The following BRINP1 variants were observed in gnomAD, a reference collection of about 807,000 sequenced individuals.
BRINP1 encodes BMP/retinoic acid inducible neural specific 1.
A neutral mutation model predicts 72.9 loss-of-function variants in BRINP1; 17 were observed. That is an observed-to-expected ratio of 0.23 (90% CI 0.16 to 0.35). The LOEUF is 0.35. Ranked by LOEUF, BRINP1 falls within the 10% of genes least tolerant of loss-of-function variation. The probability of loss-of-function intolerance (pLI) is 1.00; values close to 1 mark genes in which losing one functional copy is unlikely to be tolerated. For missense variants in BRINP1, 850 were observed against 1,001.6 expected, an observed-to-expected ratio of 0.85 and a Z score of 2.04; for synonymous variants, 418 against 378.5, an observed-to-expected ratio of 1.10 and a Z score of -1.21.
chr9:119,331,599 A>G (rs1831300998), intron 1 of BRINP1, among the ~76,000 whole-genome samples: 1 of 152,146 alleles, frequency 6.6e-6, no homozygotes, highest in Non-Finnish European at 1.5e-5. Context: ...CTTTGTAAAT[A>G]TGTAGATGAT....
At position 119,167,017 on chromosome 9, in the gene BRINP1, T is replaced by C. The variant is rs964681148; in HGVS notation, c.*67A>G. 1.4e-6 allele frequency: 2 copies of C among 1,467,286 alleles called. No homozygotes were observed. The highest frequency in any genetic ancestry group is 1.4e-5 in the African/African-American group (1 of 70,578). 90.9% of individuals were successfully genotyped at this position (1,467,286 alleles called of 1,614,324 possible). On this transcript the variant is annotated 3_prime_UTR_variant, in exon 8 of 8. Transcript: ENST00000265922. The surrounding 1 kb of genome is among the most constrained non-coding windows in gnomAD (Gnocchi z 4.3). ...AATTTTTGTGGGTTTTTTTGTTTTG[T>C]TTTGCTTCATTTTGTTCTGTTGTGT...
intron 7 of BRINP1, among the ~76,000 whole-genome samples, chr9:119,178,274 C>G (rs1829511497): frequency 6.6e-6 from 1 of 152,134 alleles, no homozygotes; most frequent in South Asian, 2.1e-4. Flanking sequence ...CCATTCTCCT[C>G]CCTTTCTAGA....
chr9:119,360,643 T>C (rs927006177), intron 1 of BRINP1, among the ~76,000 whole-genome samples: 5 of 152,222 alleles, frequency 3.3e-5, no homozygotes, highest in Non-Finnish European at 7.3e-5. Flanking sequence ...ATATCCTGGA[T>C]GTCTGCCTTT....
At chr9:119,329,267 T>G (rs976508322) in intron 1 of BRINP1, among the ~76,000 whole-genome samples, 5 of 152,206 alleles carry the variant, frequency 3.3e-5, no homozygotes, top group Admixed American at 2.0e-4. Context: ...ACCCTTGGCC[T>G]GATGTTTCCA....
intron 7 of BRINP1, among the ~76,000 whole-genome samples, chr9:119,187,076 G>A (rs772450981): frequency 7.2e-5 from 11 of 151,758 alleles, no homozygotes; most frequent in East Asian, 2.0e-4. Context: ...CGGTTACATC[G>A]CTGCCATCTG....
At chr9:119,183,005 AAAG>A (rs1829574759) in intron 7 of BRINP1, among the ~76,000 whole-genome samples, 1 of 152,212 alleles carries the variant, frequency 6.6e-6, no homozygotes, top group Admixed American at 6.5e-5. Flanking sequence ...ACAAAATTAA[AAAG>A]AAGGTAAGCA....
chr9:119,367,221 G>GAT (rs6151155), intron 1 of BRINP1, among the ~76,000 whole-genome samples: 17,350 of 99,792 alleles, frequency 0.17, 2,517 homozygotes, highest in East Asian at 0.39. Context: ...GTGTGTGATT[G>GAT]ATATATATAT....
chr9:119,200,194 T>C (rs1204775330), intron 7 of BRINP1, among the ~76,000 whole-genome samples: 2 of 152,234 alleles, frequency 1.3e-5, no homozygotes, highest in African/African-American at 4.8e-5. Flanking sequence ...TTGAACAAGT[T>C]TTTTGAATGG....
intron 4 of BRINP1, among the ~76,000 whole-genome samples, chr9:119,239,827 G>C (rs1264297799): frequency 6.6e-6 from 1 of 151,968 alleles, no homozygotes; most frequent in African/African-American, 2.4e-5. Context: ...TTTTCGTTTT[G>C]TTTTACAAAT....
At chr9:119,177,697 C>T (rs931630044) in intron 7 of BRINP1, among the ~76,000 whole-genome samples, 4 of 152,116 alleles carry the variant, frequency 2.6e-5, no homozygotes, top group African/African-American at 9.7e-5. Flanking sequence ...TCTCAGAATC[C>T]TCGGTGAGGG....
intron 1 of BRINP1, among the ~76,000 whole-genome samples, chr9:119,325,988 C>A (rs1165579407): frequency 3.3e-5 from 5 of 152,144 alleles, no homozygotes; most frequent in African/African-American, 1.2e-4. Context: ...TTATAATAGG[C>A]AATTCATGGC....
At position 119,286,414 on chromosome 9, in the gene BRINP1, T is replaced by G. The variant is rs189150065; in HGVS notation, c.218+26724A>C. On this transcript the variant is annotated intron_variant, in intron 2 of 7. Transcript: ENST00000265922. ...CGCCCAGCTAATTCTTTTTGTATTTTTAGTAGAGATGGGGTTTCACCATGT... is the reference window on the plus strand; with the variant it reads ...CGCCCAGCTAATTCTTTTTGTATTTGTAGTAGAGATGGGGTTTCACCATGT... 3.0e-3 allele frequency among the ~76,000 whole-genome samples: 463 copies of G among 152,192 alleles called. 7 individuals are homozygous for G. Among genetic ancestry groups the G allele is most frequent in the Non-Finnish European group, 8.2e-4 (56 of 67,992 alleles).
chr9:119,275,073 C>T lies in BRINP1; in HGVS notation c.219-25923G>A, dbSNP rs79878198. 3.6e-3 allele frequency among the ~76,000 whole-genome samples: 554 copies of T among 152,262 alleles called. 15 individuals are homozygous for T. The South Asian group carries it at 0.052, about 14-fold the overall frequency. ...AGGTCAATCATAAGTAAAACCAGAG[C>T]TTGGATTTGAACCCAATTCTGTGTG... is the stretch of plus-strand genomic sequence containing the variant. On this transcript the variant is annotated intron_variant, in intron 2 of 7. Transcript: ENST00000265922.
chr9:119,276,792 C>G (rs1324072732), intron 2 of BRINP1, among the ~76,000 whole-genome samples: 1 of 152,106 alleles, frequency 6.6e-6, no homozygotes, highest in Non-Finnish European at 1.5e-5. Flanking sequence ...AATTCTTTGT[C>G]TTAATTTCGT....
Position 119,206,492 on chromosome 9 carries a change from G to A in BRINP1, c.1145+2227C>T, listed in dbSNP as rs551569409. Among the ~76,000 whole-genome samples, 229 of 150,624 alleles carry A rather than the reference G, an allele frequency of 1.5e-3. 4 individuals carry two copies. The highest frequency in any genetic ancestry group is 4.9e-3 in the East Asian group (25 of 5,096). On this transcript the variant is annotated intron_variant, in intron 7 of 7. Transcript: ENST00000265922. Reference sequence around the variant, plus strand: ...CAGATGCACACAGAGGAAAGACTACGTGGAAACACAGGTAGAAAAAAACAA... The same window carrying A: ...CAGATGCACACAGAGGAAAGACTACATGGAAACACAGGTAGAAAAAAACAA...
intron 1 of BRINP1, among the ~76,000 whole-genome samples, chr9:119,356,226 T>A (rs1831563896): frequency 6.6e-6 from 1 of 152,174 alleles, no homozygotes; most frequent in South Asian, 2.1e-4. Flanking sequence ...CCTGACTTCC[T>A]ACAGATCTCT....
intron 5 of BRINP1, among the ~76,000 whole-genome samples, chr9:119,217,352 GAGAA>G (rs1201730973): frequency 6.6e-6 from 1 of 151,748 alleles, no homozygotes; most frequent in Non-Finnish European, 1.5e-5. Context: ...CACACACGGA[GAGAA>G]AGAGAGAGAG....
chr9:119,331,271 C>T (rs567918045), intron 1 of BRINP1, among the ~76,000 whole-genome samples: 104 of 152,230 alleles, frequency 6.8e-4, no homozygotes, highest in African/African-American at 2.5e-3. Flanking sequence ...TGAGGAGGAG[C>T]CTTGGAAAGG....
In BRINP1 at chr9:119,251,697, G is replaced by C. The variant is rs529705751; in HGVS notation, c.219-2547C>G. ...TTGAGAAGGGCAGAATAAAATAGGG[G>C]GGAGCATGAAAAAGAGGGTGTGGGA... On this transcript the variant is annotated intron_variant, in intron 2 of 7. Transcript: ENST00000265922. Among the ~76,000 whole-genome samples the C allele has an allele frequency of 4.3e-5, 6 of 140,106 alleles. No homozygotes were observed. The South Asian group carries it at 1.2e-3, about 29-fold the overall frequency. 91.9% of individuals were successfully genotyped at this position (140,106 alleles called of 152,430 possible).
Sources: gnomAD v4.1 joint callset for allele counts (sites outside exome capture counted in the v4.1 genomes callset) on GRCh38, gnomAD v4.1.1 for gene constraint, Gnocchi (gnomAD v3.1) non-coding constraint, MANE v1.5 for transcripts, NCBI Gene and HGNC (gene_info 2026-07-23, HGNC 2026-07-21) for gene names.